The following NLRP13 variants were observed in gnomAD, a reference collection of about 807,000 sequenced individuals.
NLRP13 encodes the protein NLR family pyrin domain containing 13.
In NLRP13, 82 loss-of-function variants were observed where a neutral mutation model predicts 94.4. The observed-to-expected ratio is 0.87, with a 90% CI of 0.73 to 1.04. The LOEUF (loss-of-function observed/expected upper bound fraction) is 1.04, where lower values mean the gene tolerates loss of function less well. NLRP13 is among the 50% of genes least tolerant of loss of function. The probability of loss-of-function intolerance (pLI) is 0.00; values close to 1 mark genes in which losing one functional copy is unlikely to be tolerated. For synonymous variants in NLRP13, 553 were observed against 464.7 expected (o/e 1.19, Z -2.45); for missense variants, 1,426 against 1,230.8 (o/e 1.16, Z -2.37).
In NLRP13 at chr19:55,902,305, G is replaced by A. The variant is rs1404149323; in HGVS notation, c.2619-100C>T. On this transcript the variant is annotated intron_variant, in intron 8 of 10. Coordinates refer to ENST00000342929, the MANE Select transcript of NLRP13 (RefSeq NM_176810.2). ...GGCCCCCTCCGAGCCTACACATGCA[G>A]CAGCTCCCTGGACGACAAGGTCTTT... is the stretch of plus-strand genomic sequence containing the variant. 5 of 949,600 alleles carry A rather than the reference G, an allele frequency of 5.3e-6. No individual in the cohort carries two copies. The Admixed American group carries it at 1.3e-4, about 24-fold the overall frequency. The allele number at this position is 949,600 out of a possible 1,614,324, so 58.8% of individuals were successfully genotyped here. A position where few individuals can be genotyped will look rare whatever the true frequency, so the allele number is the denominator to read the frequency against.
chr19:55,929,822 T>C (rs1987063948), intron 1 of NLRP13, among the ~76,000 whole-genome samples: 1 of 151,048 alleles, frequency 6.6e-6, no homozygotes, highest in African/African-American at 2.4e-5. Context: ...AAATCAGAAA[T>C]CAATGCAATA....
At chr19:55,916,834 G>A (rs546630695) in intron 4 of NLRP13, among the ~76,000 whole-genome samples, 1 of 152,090 alleles carries the variant, frequency 6.6e-6, no homozygotes, top group African/African-American at 2.4e-5. Flanking sequence ...TCTGGCAAGA[G>A]ATCCAGGCAT....
At chr19:55,921,453 C>G (rs116732876) in intron 4 of NLRP13, among the ~76,000 whole-genome samples, 601 of 152,164 alleles carry the variant, frequency 3.9e-3, no homozygotes, top group African/African-American at 0.013. Context: ...AGAATGTCTT[C>G]TACAGAAATA....
Position 55,924,676 on chromosome 19 carries a change from G to A in NLRP13, c.389-18C>T, listed in dbSNP as rs1038656838. On this transcript the variant is annotated intron_variant, in intron 2 of 10. Coordinates refer to ENST00000342929, the MANE Select transcript of NLRP13 (RefSeq NM_176810.2). The stretch of plus-strand genomic sequence containing the variant: ...CATATTCCCTGAAATAAACATTGAC[G>A]ATGAGATATGAAAATACCCCAGAGT... The A allele has an allele frequency of 4.9e-5, 79 of 1,606,038 alleles. No homozygotes were observed. Among genetic ancestry groups the A allele is most frequent in the South Asian group, 3.0e-4 (27 of 90,862 alleles).
chr19:55,895,209 A>AG (rs981983490), downstream of NLRP13, among the ~76,000 whole-genome samples: 1 of 150,156 alleles, frequency 6.7e-6, no homozygotes, highest in Non-Finnish European at 1.5e-5. Flanking sequence ...AAAAAAAAAA[A>AG]AAAGAAAGAA....
At chr19:55,907,133 A>AT (rs1401762251) in intron 7 of NLRP13, among the ~76,000 whole-genome samples, 2 of 151,600 alleles carry the variant, frequency 1.3e-5, no homozygotes, top group Non-Finnish European at 1.5e-5. Context: ...TAATTTTTGT[A>AT]TTTTTTAGTA....
chr19:55,901,825 C>T (rs1236473452), intron 9 of NLRP13, among the ~76,000 whole-genome samples: 2 of 152,076 alleles, frequency 1.3e-5, no homozygotes, highest in Admixed American at 6.6e-5. Flanking sequence ...ACATCAAACC[C>T]GGGGGCTGGT....
At chr19:55,895,198 T>A (rs74793721), downstream of NLRP13, among the ~76,000 whole-genome samples, 1 of 140,402 alleles carries the variant, frequency 7.1e-6, no homozygotes, top group East Asian at 2.1e-4. Flanking sequence ...AAAAGTATGT[T>A]AAAAAAAAAA....
chr19:55,896,221 A>G (rs376538533), intron 10 of NLRP13, 102 bp from the exon 11 acceptor site: 2 of 1,326,850 alleles, frequency 1.5e-6, no homozygotes. Flanking sequence ...ACTAAAGCAG[A>G]CTGCTTAAGA....
At chr19:55,901,960 G>A in intron 9 of NLRP13, 75 bp downstream of exon 9, 6 of 1,471,346 alleles carry the variant, frequency 4.1e-6, no homozygotes, top group South Asian at 2.4e-5. Flanking sequence ...ACCCCATCAG[G>A]AACTCAGGCA....
chr19:55,923,622 C>T (rs1986894056), intron 4 of NLRP13, among the ~76,000 whole-genome samples: 1 of 152,184 alleles, frequency 6.6e-6, no homozygotes, highest in African/African-American at 2.4e-5. Flanking sequence ...GCTGCTGACT[C>T]TTTATAGCAC....
chr19:55,911,211 C>T (rs1205181850), intron 5 of NLRP13, among the ~76,000 whole-genome samples: 1 of 152,184 alleles, frequency 6.6e-6, no homozygotes, highest in Non-Finnish European at 1.5e-5. Context: ...ATATCAGCCT[C>T]ACCTTGGGGG....
At chr19:55,907,439 G>A (rs1242793996) in intron 7 of NLRP13, among the ~76,000 whole-genome samples, 1 of 152,100 alleles carries the variant, frequency 6.6e-6, no homozygotes, top group Non-Finnish European at 1.5e-5. Flanking sequence ...GGGTGTGGTG[G>A]CACACACCTG....
At chr19:55,913,548 C>CA (rs10530056) in intron 4 of NLRP13, among the ~76,000 whole-genome samples, 1,788 of 51,832 alleles carry the variant, frequency 0.034, 231 homozygotes, top group African/African-American at 0.1. Context: ...GACTCCGTCT[C>CA]AAAAAAAAAA....
In NLRP13 at chr19:55,923,901, G is replaced by T. The variant is rs934370141; in HGVS notation, c.523+13C>A. 1 of 1,605,252 alleles carries T rather than the reference G, an allele frequency of 6.2e-7. No homozygotes were observed. The highest frequency in any genetic ancestry group is 1.3e-5 in the African/African-American group (1 of 74,852). On this transcript the variant is annotated intron_variant, in intron 4 of 10. Coordinates refer to ENST00000342929, the MANE Select transcript of NLRP13 (RefSeq NM_176810.2). ...GCAACCTGTCCATTATCAACATAAA[G>T]TAGTATACACACCTGCTTCCTCTAG...
chr19:55,917,230 G>C (rs1455929966), intron 4 of NLRP13, among the ~76,000 whole-genome samples: 3 of 151,898 alleles, frequency 2.0e-5, no homozygotes, highest in Non-Finnish European at 4.4e-5. Context: ...TCTAAACATG[G>C]AACTAAAAAG....
intron 1 of NLRP13, among the ~76,000 whole-genome samples, chr19:55,928,076 C>G (rs1047287029): frequency 7.2e-5 from 11 of 152,164 alleles, no homozygotes; most frequent in African/African-American, 2.7e-4. Flanking sequence ...TTTATCGTCC[C>G]CTGCATGGCT....
chr19:55,900,779 A>AAAAAG (rs1986146887), intron 9 of NLRP13, among the ~76,000 whole-genome samples: 1 of 151,828 alleles, frequency 6.6e-6, no homozygotes, highest in Non-Finnish European at 1.5e-5. Flanking sequence ...CCATCTTAAA[A>AAAAAG]AAAAAAAAAA....
At chr19:55,919,313 G>A (rs545727696) in intron 4 of NLRP13, among the ~76,000 whole-genome samples, 9 of 152,170 alleles carry the variant, frequency 5.9e-5, no homozygotes, top group African/African-American at 2.2e-4. Context: ...ACTGGAACAA[G>A]ACAAGGATGC....
Sources: allele counts gnomAD v4.1 joint callset (sites outside exome capture counted in the v4.1 genomes callset), GRCh38; gene constraint gnomAD v4.1.1; transcripts MANE v1.5; gene names NCBI Gene and HGNC (gene_info 2026-07-23, HGNC 2026-07-21).